KLHL1: variants seen among roughly 807,000 people sequenced by gnomAD.
The protein encoded by KLHL1 is kelch-like protein 1.
A neutral mutation model predicts 77.7 loss-of-function variants in KLHL1; 47 were observed. The ratio of observed to expected loss-of-function variants is 0.60; its 90% CI spans 0.48 to 0.77. The LOEUF (loss-of-function observed/expected upper bound fraction) is 0.77, where lower values mean the gene tolerates loss of function less well. Ranked by LOEUF, KLHL1 falls within the 30% of genes least tolerant of loss-of-function variation. The pLI is 0.00. For synonymous variants in KLHL1, 360 were observed against 325.2 expected (o/e 1.11, Z -1.15); for missense variants, 925 against 910.8 (o/e 1.02, Z -0.20).
intron 7 of KLHL1, among the ~76,000 whole-genome samples, chr13:69,743,425 A>G (rs1895569): frequency 0.36 from 55,020 of 151,994 alleles, 10,441 homozygotes; most frequent in African/African-American, 0.47. Context: ...AAATATACTC[A>G]CATATATTCT....
chr13:69,703,006 G>GCAT (rs1875468208), intron 10 of KLHL1, among the ~76,000 whole-genome samples: 1 of 151,600 alleles, frequency 6.6e-6, no homozygotes, highest in Non-Finnish European at 1.5e-5. Context: ...AAGTTTACCT[G>GCAT]ACTCCAAAAT....
At chr13:70,034,042 A>G (rs1270928724) in intron 1 of KLHL1, among the ~76,000 whole-genome samples, 1 of 152,194 alleles carries the variant, frequency 6.6e-6, no homozygotes. Context: ...TTCCCTAAAT[A>G]GAGTCAAAAA....
intron 5 of KLHL1, among the ~76,000 whole-genome samples, chr13:69,876,898 G>A (rs1211466231): frequency 2.0e-5 from 3 of 152,046 alleles, no homozygotes; most frequent in Non-Finnish European, 2.9e-5. Context: ...TTAGCCGTGC[G>A]TGGTGGCGCA....
intron 6 of KLHL1, among the ~76,000 whole-genome samples, chr13:69,810,299 G>A (rs1250666227): frequency 1.3e-5 from 2 of 152,030 alleles, no homozygotes; most frequent in East Asian, 3.9e-4. Flanking sequence ...CATAAAGCAA[G>A]TATTGATAAA....
At chr13:69,914,808 T>C (rs1882366203) in intron 4 of KLHL1, among the ~76,000 whole-genome samples, 1 of 152,160 alleles carries the variant, frequency 6.6e-6, no homozygotes, top group African/African-American at 2.4e-5. Context: ...GTCAATCATT[T>C]AGGATAGGAA....
chr13:70,081,668 T>C (rs892608926), intron 1 of KLHL1, among the ~76,000 whole-genome samples: 1 of 152,154 alleles, frequency 6.6e-6, no homozygotes, highest in Non-Finnish European at 1.5e-5. Context: ...CAATGATCAA[T>C]AGAGTTTAAA....
rs116569580 is a variant in KLHL1 at position 69,825,949 on chromosome 13, G to A, written c.1414+13027C>T. Among the ~76,000 whole-genome samples the A allele has an allele frequency of 7.7e-3, 1,170 of 151,860 alleles. 10 individuals carry two copies. Among genetic ancestry groups the A allele is most frequent in the African/African-American group, 0.026 (1,093 of 41,420 alleles). Reference sequence around the variant, plus strand: ...TTGAATTATAGAACTTTTATTTGACGTTTATACAACATATTATGGCCTAGA... The same window carrying A: ...TTGAATTATAGAACTTTTATTTGACATTTATACAACATATTATGGCCTAGA... On this transcript the variant is annotated intron_variant, in intron 6 of 10. Transcript: ENST00000377844.
At chr13:69,738,561 T>C (rs572621976) in intron 8 of KLHL1, among the ~76,000 whole-genome samples, 11 of 152,124 alleles carry the variant, frequency 7.2e-5, no homozygotes, top group African/African-American at 2.6e-4. Context: ...ATAAATTACC[T>C]GATAGAGCTG....
Position 69,795,291 on chromosome 13 carries a change from T to G in KLHL1, c.1639+1447A>C, listed in dbSNP as rs542594937. 1.6e-4 allele frequency among the ~76,000 whole-genome samples: 25 copies of G among 152,346 alleles called. No homozygotes were observed. The South Asian group carries it at 5.0e-3, about 30-fold the overall frequency. The stretch of plus-strand genomic sequence containing the variant: ...GTGTATATTTAATTTCTTTAAATTT[T>G]ACTTTGGATTGATGGTGGAGTAGAC... On this transcript the variant is annotated intron_variant, in intron 7 of 10. Coordinates refer to ENST00000377844, the MANE Select transcript of KLHL1 (RefSeq NM_020866.3).
intron 5 of KLHL1, among the ~76,000 whole-genome samples, chr13:69,840,650 G>T (rs1879210640): frequency 6.6e-6 from 1 of 151,162 alleles, no homozygotes; most frequent in African/African-American, 2.4e-5. Context: ...TACCTTAGCT[G>T]CCTTTCTACG....
intron 3 of KLHL1, among the ~76,000 whole-genome samples, chr13:69,949,057 A>T (rs1883620931): frequency 6.6e-6 from 1 of 151,988 alleles, no homozygotes; most frequent in Non-Finnish European, 1.5e-5. Flanking sequence ...TTGCAAAGCT[A>T]GTACAGCGAT....
intron 1 of KLHL1, among the ~76,000 whole-genome samples, chr13:70,016,820 G>A (rs926898161): frequency 1.3e-5 from 2 of 152,114 alleles, no homozygotes; most frequent in Non-Finnish European, 2.9e-5. Flanking sequence ...GGGGCCTGGA[G>A]TGAGAACTTA....
At chr13:69,782,756 G>C (rs1876295588) in intron 7 of KLHL1, among the ~76,000 whole-genome samples, 1 of 152,220 alleles carries the variant, frequency 6.6e-6, no homozygotes, top group Non-Finnish European at 1.5e-5. Context: ...CAAACAAAAA[G>C]ACAGCAGTAA....
chr13:69,978,645 C>T (rs1225295694), intron 1 of KLHL1, among the ~76,000 whole-genome samples: 1 of 151,912 alleles, frequency 6.6e-6, no homozygotes, highest in African/African-American at 2.4e-5. Flanking sequence ...CACCACCATG[C>T]CCGGCTCATT....
At chr13:69,968,282 A>G (rs1191563172) in intron 2 of KLHL1, among the ~76,000 whole-genome samples, 2 of 151,976 alleles carry the variant, frequency 1.3e-5, no homozygotes, top group Non-Finnish European at 2.9e-5. Context: ...ATGATGAAGT[A>G]GTGCTACTGC....
intron 3 of KLHL1, among the ~76,000 whole-genome samples, chr13:69,944,314 T>C (rs1186818633): frequency 6.6e-6 from 1 of 152,206 alleles, no homozygotes; most frequent in African/African-American, 2.4e-5. Context: ...TCACAACTTA[T>C]TGAAGGTAAA....
intron 1 of KLHL1, among the ~76,000 whole-genome samples, chr13:70,014,976 A>T (rs896059403): frequency 4.9e-5 from 7 of 141,824 alleles, no homozygotes; most frequent in African/African-American, 1.8e-4. Context: ...TAAGCAAAAC[A>T]AAACATTAAG....
At chr13:69,710,574 G>C (rs1209843955) in intron 9 of KLHL1, among the ~76,000 whole-genome samples, 2 of 152,004 alleles carry the variant, frequency 1.3e-5, no homozygotes, top group Non-Finnish European at 2.9e-5. Flanking sequence ...CATTGTTCTT[G>C]TTCTCAAAAT....
At chr13:69,916,018 T>C (rs1439421571) in intron 4 of KLHL1, among the ~76,000 whole-genome samples, 1 of 152,098 alleles carries the variant, frequency 6.6e-6, no homozygotes, top group South Asian at 2.1e-4. Context: ...ATCAGAGAGA[T>C]GCAAATCAAA....
Sources: gnomAD v4.1 joint callset for allele counts (sites outside exome capture counted in the v4.1 genomes callset) on GRCh38, gnomAD v4.1.1 for gene constraint, MANE v1.5 for transcripts, NCBI Gene and HGNC (gene_info 2026-07-23, HGNC 2026-07-21) for gene names.